Variants in PTPRN2 observed in about 807,000 individuals in gnomAD.
PTPRN2 encodes protein tyrosine phosphatase receptor type N2.
In PTPRN2, 74 loss-of-function variants were observed where a neutral mutation model predicts 118.8. That is an observed-to-expected ratio of 0.62 (90% CI 0.52 to 0.76). PTPRN2 has a LOEUF of 0.76. PTPRN2 is among the 30% of genes least tolerant of loss of function. PTPRN2 has a pLI of 0.00. For missense variants in PTPRN2, 1,481 were observed against 1,394.4 expected, an observed-to-expected ratio of 1.06 and a Z score of -0.99; for synonymous variants, 641 against 608.0, an observed-to-expected ratio of 1.05 and a Z score of -0.80.
At chr7:157,716,547 C>G (rs1798922327) in intron 12 of PTPRN2, among the ~76,000 whole-genome samples, 1 of 67,746 alleles carries the variant, frequency 1.5e-5, no homozygotes, top group Non-Finnish European at 2.7e-5. Flanking sequence ...TGCCTGGCCA[C>G]GTAGACTCTG....
intron 2 of PTPRN2, among the ~76,000 whole-genome samples, chr7:158,470,550 C>T (rs1327078072): frequency 6.6e-6 from 1 of 152,218 alleles, no homozygotes; most frequent in East Asian, 1.9e-4. Flanking sequence ...TCAGCGACAA[C>T]AGGAGCAAAG....
At chr7:158,223,936 T>C (rs1349822515) in intron 3 of PTPRN2, among the ~76,000 whole-genome samples, 1 of 152,110 alleles carries the variant, frequency 6.6e-6, no homozygotes, top group East Asian at 1.9e-4. Context: ...ACAAAAAATA[T>C]AAAAACCTCT....
intron 3 of PTPRN2, among the ~76,000 whole-genome samples, chr7:158,220,217 T>C (rs1045171840): frequency 1.3e-5 from 2 of 152,036 alleles, no homozygotes; most frequent in South Asian, 2.1e-4. Flanking sequence ...CAACATCATA[T>C]TGAACAGGCA....
intron 6 of PTPRN2, among the ~76,000 whole-genome samples, chr7:158,159,287 G>C (rs1190936212): frequency 6.6e-6 from 1 of 152,254 alleles, no homozygotes; most frequent in Non-Finnish European, 1.5e-5. Context: ...GCAGAAACAA[G>C]TTCTTCCAGC....
chr7:158,363,570 G>A (rs1009528391), intron 2 of PTPRN2, among the ~76,000 whole-genome samples: 9 of 152,266 alleles, frequency 5.9e-5, no homozygotes, highest in African/African-American at 1.9e-4. Flanking sequence ...AGTCTTGATC[G>A]TCACATTTCC....
At chr7:157,998,068 G>GGGGGGAGAGGAGTGCAGGGTC (rs1804912690) in intron 11 of PTPRN2, among the ~76,000 whole-genome samples, 1 of 89,566 alleles carries the variant, frequency 1.1e-5, no homozygotes, top group Non-Finnish European at 2.3e-5. Context: ...AGTGCAGGGT[G>GGGGGGAGAGGAGTGCAGGGTC]GGGGGAGAGG....
At chr7:158,071,661 CTCG>C (rs1811760243) in intron 11 of PTPRN2, among the ~76,000 whole-genome samples, 1 of 129,446 alleles carries the variant, frequency 7.7e-6, no homozygotes, top group Admixed American at 8.1e-5. Flanking sequence ...GATGGAGGTG[CTCG>C]TGGTGGTGGA....
At chr7:157,769,126 C>T (rs886796631) in intron 12 of PTPRN2, among the ~76,000 whole-genome samples, 4 of 152,158 alleles carry the variant, frequency 2.6e-5, no homozygotes, top group Admixed American at 6.5e-5. Context: ...GTCATGACAA[C>T]GCCTCCACCG....
chr7:157,771,526 T>TG (rs1204159114), intron 12 of PTPRN2, among the ~76,000 whole-genome samples: 2 of 152,192 alleles, frequency 1.3e-5, no homozygotes, highest in Non-Finnish European at 2.9e-5. Flanking sequence ...GTGCTGGATC[T>TG]GGGACTCCAC....
intron 3 of PTPRN2, among the ~76,000 whole-genome samples, chr7:158,269,997 CAG>C (rs1367726039): frequency 6.6e-6 from 1 of 152,214 alleles, no homozygotes; most frequent in Non-Finnish European, 1.5e-5. Flanking sequence ...ACAGCAGAGA[CAG>C]AGTCCCAGCA....
chr7:158,158,576 G>A (rs1319066545), intron 6 of PTPRN2, among the ~76,000 whole-genome samples: 2 of 147,298 alleles, frequency 1.4e-5, no homozygotes, highest in Admixed American at 6.8e-5. Flanking sequence ...GTGATTGGCC[G>A]GGACTTCGCA....
chr7:157,593,064 G>A (rs971488366), intron 17 of PTPRN2, among the ~76,000 whole-genome samples: 66 of 148,950 alleles, frequency 4.4e-4, no homozygotes, highest in African/African-American at 1.5e-3. Context: ...GGGCATCATC[G>A]TGGTCGTTGA....
At chr7:158,520,689 A>T (rs1366091704) in intron 1 of PTPRN2, among the ~76,000 whole-genome samples, 2 of 152,188 alleles carry the variant, frequency 1.3e-5, no homozygotes, top group African/African-American at 4.8e-5. Flanking sequence ...AGAAAAGACT[A>T]TAACTCCTGG....
intron 14 of PTPRN2, among the ~76,000 whole-genome samples, chr7:157,650,538 C>T (rs1805582456): frequency 6.6e-6 from 1 of 152,188 alleles, no homozygotes; most frequent in South Asian, 2.1e-4. Context: ...CGCGCCAGCA[C>T]CCGAGCCAGA....
chr7:158,040,407 C>A (rs1563352631), intron 11 of PTPRN2, among the ~76,000 whole-genome samples: 1 of 149,826 alleles, frequency 6.7e-6, no homozygotes, highest in Non-Finnish European at 1.5e-5. Flanking sequence ...TTCACACACA[C>A]ACACACACAA....
chr7:158,238,898 G>A (rs1563022511), intron 3 of PTPRN2, among the ~76,000 whole-genome samples: 1 of 152,214 alleles, frequency 6.6e-6, no homozygotes, highest in Non-Finnish European at 1.5e-5. Context: ...GAGCAGAGGT[G>A]TGAAGGCCAC....
intron 14 of PTPRN2, among the ~76,000 whole-genome samples, chr7:157,621,873 C>A (rs538542406): frequency 6.6e-6 from 1 of 152,126 alleles, no homozygotes; most frequent in Non-Finnish European, 1.5e-5. Context: ...GCATGGAAGT[C>A]ATTTTTCTTA....
chr7:157,558,411 C>A (rs1047937205), intron 21 of PTPRN2, among the ~76,000 whole-genome samples: 2 of 152,242 alleles, frequency 1.3e-5, no homozygotes, highest in Non-Finnish European at 2.9e-5. Context: ...CACATGGGGG[C>A]CTCCACGATG....
chr7:158,299,093 A>C (rs1314478194), intron 3 of PTPRN2, among the ~76,000 whole-genome samples: 3 of 152,152 alleles, frequency 2.0e-5, no homozygotes, highest in Admixed American at 1.3e-4. Context: ...CTGGTGAGCG[A>C]TGATGTCAGT....
Sources: gnomAD v4.1 joint callset for allele counts (sites outside exome capture counted in the v4.1 genomes callset) on GRCh38, gnomAD v4.1.1 for gene constraint, MANE v1.5 for transcripts, NCBI Gene and HGNC (gene_info 2026-07-23, HGNC 2026-07-21) for gene names.